The following NLGN1 variants were observed in gnomAD, a reference collection of about 807,000 sequenced individuals.
The protein encoded by NLGN1 is neuroligin-1.
A neutral mutation model predicts 65.5 loss-of-function variants in NLGN1; 12 were observed. That is an observed-to-expected ratio of 0.18 (90% CI 0.12 to 0.30). NLGN1 has a LOEUF of 0.30. Ranked by LOEUF, NLGN1 falls within the 10% of genes least tolerant of loss-of-function variation. NLGN1 has a pLI of 1.00. For missense variants in NLGN1, 750 were observed against 1,007.1 expected (o/e 0.74, Z 3.46); for synonymous variants, 350 against 359.5 (o/e 0.97, Z 0.30).
intron 4 of NLGN1, among the ~76,000 whole-genome samples, chr3:174,035,416 A>T (rs116226723): frequency 6.6e-6 from 1 of 152,216 alleles, no homozygotes; most frequent in African/African-American, 2.4e-5. Context: ...GAAAAGGCTT[A>T]TCAGTAGAAC....
At position 174,284,668 on chromosome 3, in the gene NLGN1, C is replaced by A. The variant is rs1172705766; in HGVS notation, c.*3365C>A. 91 of 151,362 alleles carry A rather than the reference C, an allele frequency of 6.0e-4. 3 individuals are homozygous for A. The highest frequency in any genetic ancestry group is 6.0e-3 in the Admixed American group (91 of 15,146). The allele number at this position is 151,362 out of a possible 1,614,324, so 9.4% of individuals were successfully genotyped here. On this transcript the variant is annotated 3_prime_UTR_variant, in exon 7 of 7. Transcript: ENST00000457714. ...TGACAGATTTCATAGTTTTAAATCT[C>A]TACTGAACATGTTGACTATGAACAA...
chr3:173,439,294 A>C (rs555298400), intron 2 of NLGN1, among the ~76,000 whole-genome samples: 24 of 152,328 alleles, frequency 1.6e-4, no homozygotes, highest in Non-Finnish European at 3.1e-4. Flanking sequence ...TTTTAGTATT[A>C]TATTAACAAA....
intron 2 of NLGN1, among the ~76,000 whole-genome samples, chr3:173,603,112 T>G (rs985207924): frequency 6.6e-6 from 1 of 152,126 alleles, no homozygotes; most frequent in Non-Finnish European, 1.5e-5. Context: ...CAGGGCAGTC[T>G]CACTGCCAGA....
intron 4 of NLGN1, among the ~76,000 whole-genome samples, chr3:174,156,167 T>C (rs944728114): frequency 6.6e-6 from 1 of 151,912 alleles, no homozygotes; most frequent in Non-Finnish European, 1.5e-5. Flanking sequence ...CTTTAACGCA[T>C]GTATGGAGTA....
At chr3:173,549,254 C>G (rs1295793218) in intron 2 of NLGN1, among the ~76,000 whole-genome samples, 1 of 151,824 alleles carries the variant, frequency 6.6e-6, no homozygotes, top group Non-Finnish European at 1.5e-5. Flanking sequence ...TACCTGTTTC[C>G]TGAGTAAATG....
In NLGN1 at chr3:173,422,830, A is replaced by G. The variant is rs73047956; in HGVS notation, c.-389-12180A>G. On this transcript the variant is annotated intron_variant, in intron 1 of 6. Transcript: ENST00000457714. ...ACATCAGATTTAATTTTTGCTGTTG[A>G]GTTGAGGTTGTTATAGATGCAAGTT... Among the ~76,000 whole-genome samples, 1,496 of 152,230 alleles carry G rather than the reference A, an allele frequency of 9.8e-3. 25 individuals carry two copies. Among genetic ancestry groups the G allele is most frequent in the African/African-American group, 0.034 (1,393 of 41,532 alleles).
intron 4 of NLGN1, among the ~76,000 whole-genome samples, chr3:174,233,559 A>G (rs114976304): frequency 0.017 from 2,514 of 152,050 alleles, 80 homozygotes; most frequent in African/African-American, 0.058. Context: ...TTGAACAGAC[A>G]AGAATGCTAT....
intron 4 of NLGN1, among the ~76,000 whole-genome samples, chr3:173,828,015 C>A (rs1721717087): frequency 6.6e-6 from 1 of 152,022 alleles, no homozygotes; most frequent in Non-Finnish European, 1.5e-5. Context: ...AATGTTTGAC[C>A]AGCTATCTGG....
At chr3:173,940,080 CTTTTTTT>C (rs531013909) in intron 4 of NLGN1, among the ~76,000 whole-genome samples, 4 of 75,404 alleles carry the variant, frequency 5.3e-5, no homozygotes, top group Admixed American at 1.8e-4. Flanking sequence ...ATAGTTATAG[CTTTTTTT>C]TTTTTTTTTT....
At chr3:173,751,148 G>A (rs1254736682) in intron 3 of NLGN1, among the ~76,000 whole-genome samples, 1 of 151,856 alleles carries the variant, frequency 6.6e-6, no homozygotes, top group Non-Finnish European at 1.5e-5. Context: ...ATGATTCCAG[G>A]GTCACCTGAG....
At chr3:174,130,777 G>A (rs1720024776) in intron 4 of NLGN1, among the ~76,000 whole-genome samples, 1 of 152,064 alleles carries the variant, frequency 6.6e-6, no homozygotes, top group Admixed American at 6.6e-5. Flanking sequence ...ATAAAGGGGA[G>A]GGAAATGAGA....
chr3:174,116,105 A>T (rs1459257409), intron 4 of NLGN1, among the ~76,000 whole-genome samples: 1 of 152,148 alleles, frequency 6.6e-6, no homozygotes, highest in Non-Finnish European at 1.5e-5. Context: ...GCCTCCATGG[A>T]ATTTGTTTAA....
intron 4 of NLGN1, among the ~76,000 whole-genome samples, chr3:174,268,684 T>A (rs778420178): frequency 6.6e-6 from 1 of 152,092 alleles, no homozygotes; most frequent in East Asian, 1.9e-4. Context: ...GGTGAAAGTT[T>A]GGAATTTGGA....
At chr3:173,466,106 T>G (rs936307766) in intron 2 of NLGN1, among the ~76,000 whole-genome samples, 5 of 152,184 alleles carry the variant, frequency 3.3e-5, no homozygotes, top group South Asian at 2.1e-4. Context: ...AGGGAAAAGT[T>G]TCATCATTTT....
chr3:174,172,080 G>A (rs1197044791), intron 4 of NLGN1, among the ~76,000 whole-genome samples: 1 of 151,956 alleles, frequency 6.6e-6, no homozygotes, highest in Non-Finnish European at 1.5e-5. Flanking sequence ...AGTTTGCTAA[G>A]TATCTCTTCT....
Position 173,730,329 on chromosome 3 carries a change from C to CCG in NLGN1, c.494-77350_494-77349insGC, listed in dbSNP as rs1553822113. On this transcript the variant is annotated intron_variant, in intron 3 of 6. Coordinates refer to ENST00000457714, the Ensembl canonical transcript of NLGN1. ...ACACTACTGCCCCACCGCTCCCCCC[C>CCG]CCCCGCAAAAATAGAATGAAAGCTA... Among the ~76,000 whole-genome samples the CCG allele has an allele frequency of 4.3e-3, 603 of 139,942 alleles. 42 individuals carry two copies. Among genetic ancestry groups the CCG allele is most frequent in the African/African-American group, 0.015 (568 of 36,992 alleles). The allele number at this position is 139,942 out of a possible 152,430, so 91.8% of individuals were successfully genotyped here.
At chr3:173,695,836 G>T (rs984889691) in intron 3 of NLGN1, among the ~76,000 whole-genome samples, 2 of 152,188 alleles carry the variant, frequency 1.3e-5, no homozygotes, top group Admixed American at 6.5e-5. Context: ...GAGAAAGTTT[G>T]TGAAGTGCCT....
chr3:173,783,101 C>G (rs1305372431), intron 3 of NLGN1, among the ~76,000 whole-genome samples: 1 of 151,982 alleles, frequency 6.6e-6, no homozygotes, highest in Admixed American at 6.6e-5. Context: ...CACACGAAAA[C>G]AAAGAGTGGT....
intron 2 of NLGN1, among the ~76,000 whole-genome samples, chr3:173,547,102 G>T (rs574728951): frequency 1.3e-5 from 2 of 152,034 alleles, no homozygotes. Flanking sequence ...AATTAAACTT[G>T]GGACTCGAAA....
Sources: gnomAD v4.1 joint callset for allele counts (sites outside exome capture counted in the v4.1 genomes callset) on GRCh38, gnomAD v4.1.1 for gene constraint, MANE v1.5 for transcripts, NCBI Gene and HGNC (gene_info 2026-07-23, HGNC 2026-07-21) for gene names.